The following ADAM10 variants were observed in gnomAD, a reference collection of about 807,000 sequenced individuals.
ADAM10 encodes disintegrin and metalloproteinase domain-containing protein 10.
In ADAM10, 17 loss-of-function variants were observed where a neutral mutation model predicts 90.1. The ratio of observed to expected loss-of-function variants is 0.19; its 90% confidence interval spans 0.13 to 0.28. The LOEUF (loss-of-function observed/expected upper bound fraction) is 0.28. Ranked by LOEUF, ADAM10 falls within the 10% of genes least tolerant of loss-of-function variation. ADAM10 has a pLI of 1.00. For missense variants in ADAM10, 610 were observed against 914.3 expected (o/e 0.67, Z 4.29); for synonymous variants, 310 against 298.6 (o/e 1.04, Z -0.40).
chr15:58,694,631 C>A (rs1240503193), intron 2 of ADAM10, among the ~76,000 whole-genome samples: 9 of 151,844 alleles, frequency 5.9e-5, no homozygotes, highest in African/African-American at 1.2e-4. Context: ...AATAACTGAA[C>A]ACAAATGTTA....
intron 5 of ADAM10, among the ~76,000 whole-genome samples, chr15:58,655,687 T>TATAC (rs57182110): frequency 1.2e-5 from 1 of 80,294 alleles, no homozygotes; most frequent in African/African-American, 6.3e-5. Flanking sequence ...CATATATATA[T>TATAC]TATATATAGT....
chr15:58,704,971 A>C (rs1473165086), intron 2 of ADAM10, among the ~76,000 whole-genome samples: 1 of 152,240 alleles, frequency 6.6e-6, no homozygotes, highest in Non-Finnish European at 1.5e-5. Context: ...GTAGTCTTAA[A>C]GTAACATCAT....
intron 9 of ADAM10, among the ~76,000 whole-genome samples, chr15:58,630,193 C>G (rs1379999323): frequency 6.6e-6 from 1 of 152,152 alleles, no homozygotes; most frequent in Non-Finnish European, 1.5e-5. Flanking sequence ...GTAGGGCCAT[C>G]TAGGCTGCTT....
intron 10 of ADAM10, among the ~76,000 whole-genome samples, chr15:58,622,627 A>G (rs1895821015): frequency 6.6e-6 from 1 of 152,206 alleles, no homozygotes; most frequent in African/African-American, 2.4e-5. Context: ...TATTATTTAT[A>G]TCTTCTGTAT....
intron 11 of ADAM10, among the ~76,000 whole-genome samples, chr15:58,612,234 A>G (rs117176073): frequency 0.022 from 3,395 of 152,286 alleles, 40 homozygotes; most frequent in Non-Finnish European, 0.028. Flanking sequence ...GCCTGGGCCT[A>G]CACAGAAAAG....
At chr15:58,679,031 A>C in intron 4 of ADAM10, 93 bp downstream of exon 4, 1 of 1,270,960 alleles carries the variant, frequency 7.9e-7, no homozygotes, top group East Asian at 2.5e-5. Context: ...GTAACTCAGG[A>C]AAGAAAACAG....
chr15:58,692,307 C>A (rs755748220), intron 2 of ADAM10: 1 of 608,194 alleles, frequency 1.6e-6, no homozygotes, highest in Non-Finnish European at 3.2e-6. Context: ...ATTCTCCACA[C>A]TCTTCCTGGG....
At chr15:58,727,176 CTTT>C (rs779017607) in intron 1 of ADAM10, among the ~76,000 whole-genome samples, 1,561 of 77,876 alleles carry the variant, frequency 0.02, 61 homozygotes, top group African/African-American at 0.072. Context: ...CCTGACTAAT[CTTT>C]TTTTTTTTTT....
chr15:58,623,902 G>A (rs1342965549), intron 10 of ADAM10, among the ~76,000 whole-genome samples: 1 of 150,572 alleles, frequency 6.6e-6, no homozygotes, highest in African/African-American at 2.4e-5. Context: ...GATAGGTGCA[G>A]TAAACCACCA....
At chr15:58,717,855 T>C (rs1898716453) in intron 1 of ADAM10, 128 bp from the exon 2 acceptor site, 2 of 1,344,820 alleles carry the variant, frequency 1.5e-6, no homozygotes, top group Non-Finnish European at 2.0e-6. Flanking sequence ...CTATTATGAA[T>C]TCTGCATTAA....
At chr15:58,711,599 G>C (rs1175665576) in intron 2 of ADAM10, among the ~76,000 whole-genome samples, 1 of 152,124 alleles carries the variant, frequency 6.6e-6, no homozygotes, top group African/African-American at 2.4e-5. Flanking sequence ...ATGCAAAGTT[G>C]GTGGCTGTAA....
intron 2 of ADAM10, among the ~76,000 whole-genome samples, chr15:58,714,828 A>G (rs1485280225): frequency 2.6e-5 from 4 of 152,158 alleles, no homozygotes; most frequent in Non-Finnish European, 4.4e-5. Flanking sequence ...GTGTACCAAG[A>G]CTAATATTTG....
At chr15:58,746,500 T>C (rs1353511662) in intron 1 of ADAM10, among the ~76,000 whole-genome samples, 1 of 152,320 alleles carries the variant, frequency 6.6e-6, no homozygotes, top group African/African-American at 2.4e-5. Flanking sequence ...GTGCCGGAAA[T>C]GGGCACCATC....
Position 58,620,115 on chromosome 15 carries a change from T to G in ADAM10, c.1511+1356A>C, listed in dbSNP as rs187009451. 1.4e-4 allele frequency among the ~76,000 whole-genome samples: 22 copies of G among 152,178 alleles called. No homozygotes were observed. The East Asian group carries it at 3.9e-3, about 27-fold the overall frequency. ...CATCACACATTAGTTAATTTATCGC[T>G]TTCTCTCCCATTTTCATACTAAAAT... On this transcript the variant is annotated intron_variant, in intron 11 of 15. Transcript: ENST00000260408.
At chr15:58,709,885 T>C (rs200264627) in intron 2 of ADAM10, among the ~76,000 whole-genome samples, 92 of 152,216 alleles carry the variant, frequency 6.0e-4, no homozygotes, top group African/African-American at 2.0e-3. Flanking sequence ...TCCATACCCT[T>C]TTCAAAGGAG....
At position 58,611,847 on chromosome 15, in the gene ADAM10, G is replaced by A; in HGVS notation, c.1656C>T (p.Phe552=). Residue 552 remains phenylalanine, a synonymous_variant, in exon 12 of 16, where the codon TTC becomes TTT. Coordinates refer to ENST00000260408, the MANE Select transcript of ADAM10 (RefSeq NM_001110.4). The stretch of plus-strand genomic sequence containing the variant: ...CTTGTGTATGCCTATTACAGTCTGT[G>A]AAGTTTGGTTTAGGGTCAGATGCTG... The part of the protein sequence containing the change: ...LCPASDPKPN[F]TDCNRHTQVC... 6.2e-7 allele frequency: 1 copy of A among 1,614,190 alleles called. No homozygotes were observed. The highest frequency in any genetic ancestry group is 8.5e-7 in the Non-Finnish European group (1 of 1,180,036).
chr15:58,610,632 CA>C, intron 13 of ADAM10, 115 bp from the exon 14 acceptor site: 1 of 980,300 alleles, frequency 1.0e-6, no homozygotes, highest in South Asian at 1.4e-5. Context: ...ATTACCATAA[CA>C]TGTTATACAG....
intron 2 of ADAM10, among the ~76,000 whole-genome samples, chr15:58,712,523 C>CAA (rs35146640): frequency 1.4e-3 from 180 of 132,528 alleles, no homozygotes; most frequent in Admixed American, 2.3e-3. Flanking sequence ...GGCCCTGTTT[C>CAA]AAAAAAAAAA....
intron 2 of ADAM10, 72 bp downstream of exon 2, chr15:58,717,505 A>G (rs1377597725): frequency 6.3e-7 from 1 of 1,588,452 alleles, no homozygotes; most frequent in Non-Finnish European, 8.6e-7. Context: ...AAAATTAAGG[A>G]TATAAATCTC....
Sources: gnomAD v4.1 joint callset for allele counts (sites outside exome capture counted in the v4.1 genomes callset) on GRCh38, gnomAD v4.1.1 for gene constraint, MANE v1.5 for transcripts, NCBI Gene and HGNC (gene_info 2026-07-23, HGNC 2026-07-21) for gene names.